The following NFIB variants were observed in gnomAD, a reference collection of about 807,000 sequenced individuals.
NFIB encodes the protein nuclear factor I B.
Under a neutral mutation model 61.5 loss-of-function variants are expected in NFIB, and 11 were observed. The ratio of observed to expected loss-of-function variants is 0.18; its 90% confidence interval spans 0.11 to 0.30. The LOEUF (loss-of-function observed/expected upper bound fraction) is 0.30, where lower values mean the gene tolerates loss of function less well. Among genes scored for constraint, NFIB ranks in the 10% least tolerant of loss-of-function variants. NFIB has a pLI of 1.00. For synonymous variants in NFIB, 260 were observed against 216.5 expected, an observed-to-expected ratio of 1.20 and a Z score of -1.76; for missense variants, 471 against 608.9, an observed-to-expected ratio of 0.77 and a Z score of 2.38.
At chr9:14,262,047 G>A (rs150613763) in intron 2 of NFIB, among the ~76,000 whole-genome samples, 14 of 152,192 alleles carry the variant, frequency 9.2e-5, no homozygotes, top group Admixed American at 6.5e-4. Flanking sequence ...TTGGTGTATC[G>A]GTTTCTGAGC....
the NFIB span, among the ~76,000 whole-genome samples, chr9:14,456,702 T>C: frequency 4.9e-4 from 74 of 152,308 alleles, no homozygotes; most frequent in African/African-American, 1.7e-3. Flanking sequence ...CAGAGTTTGA[T>C]AGCACATTAT....
At chr9:14,229,253 G>A (rs2052819835) in intron 2 of NFIB, among the ~76,000 whole-genome samples, 1 of 152,154 alleles carries the variant, frequency 6.6e-6, no homozygotes, top group African/African-American at 2.4e-5. Flanking sequence ...CATATTAGGT[G>A]ATCAGGTTGT....
At chr9:14,340,698 T>C (rs2060939407) in intron 1 of NFIB, among the ~76,000 whole-genome samples, 2 of 152,242 alleles carry the variant, frequency 1.3e-5, no homozygotes, top group Admixed American at 6.5e-5. Context: ...GTGAATTACA[T>C]TGCCAGCTCA....
At chr9:14,228,151 T>C (rs922914866) in intron 2 of NFIB, among the ~76,000 whole-genome samples, 2 of 151,804 alleles carry the variant, frequency 1.3e-5, no homozygotes, top group African/African-American at 2.4e-5. Context: ...AACAGAATCA[T>C]ATGCATCAAA....
At chr9:14,175,507 G>A (rs1258030367) in intron 3 of NFIB, among the ~76,000 whole-genome samples, 1 of 152,030 alleles carries the variant, frequency 6.6e-6, no homozygotes, top group African/African-American at 2.4e-5. Context: ...TGCAAGATAA[G>A]CACATAGCTA....
chr9:14,459,789 A>G, the NFIB span, among the ~76,000 whole-genome samples: 5 of 151,702 alleles, frequency 3.3e-5, no homozygotes, highest in South Asian at 1.0e-3. Context: ...ACTGGCCATC[A>G]GAGAAATGCA....
intron 2 of NFIB, among the ~76,000 whole-genome samples, chr9:14,292,699 G>C (rs1008407884): frequency 2.6e-5 from 4 of 152,168 alleles, no homozygotes; most frequent in Non-Finnish European, 5.9e-5. Flanking sequence ...ACTTCAGCAA[G>C]CTGCTTCAAT....
intron 6 of NFIB, among the ~76,000 whole-genome samples, chr9:14,134,624 G>A (rs190633230): frequency 5.9e-5 from 9 of 152,240 alleles, no homozygotes; most frequent in African/African-American, 1.7e-4. Flanking sequence ...GGATGGGGTG[G>A]CTCATGCCTG....
intron 2 of NFIB, among the ~76,000 whole-genome samples, chr9:14,255,961 C>G (rs551253225): frequency 6.6e-6 from 1 of 152,340 alleles, no homozygotes; most frequent in South Asian, 2.1e-4. Flanking sequence ...ACACTGTACT[C>G]AAGGCACCTA....
At chr9:14,476,078 C>A in the NFIB span, among the ~76,000 whole-genome samples, 1 of 152,098 alleles carries the variant, frequency 6.6e-6, no homozygotes, top group Non-Finnish European at 1.5e-5. Flanking sequence ...CAATAGGAGG[C>A]AAATTTGAAA....
Position 14,371,487 on chromosome 9 carries a change from G to A in NFIB, c.108+27037C>T, listed in dbSNP as rs373760099. The stretch of plus-strand genomic sequence containing the variant: ...TCTGGTTCTGCCACTAGTTACTTGG[G>A]TGATCTCTGGGCAAGTCACTTAGAC... On this transcript the variant is annotated intron_variant, in intron 1 of 8. Coordinates refer to the NFIB transcript ENST00000380934. Among the ~76,000 whole-genome samples the A allele has an allele frequency of 9.2e-5, 14 of 152,272 alleles. 1 individual carries two copies. The East Asian group carries it at 1.4e-3, about 15-fold the overall frequency.
chr9:14,216,782 C>T lies in NFIB; in HGVS notation c.563-37002G>A, dbSNP rs565975056. ...GGCTATGCTGACTTTGCCAAAATTGCTTTCAGCCAAATTTTCTAAAAGAAA... is the reference window on the plus strand; with the variant it reads ...GGCTATGCTGACTTTGCCAAAATTGTTTTCAGCCAAATTTTCTAAAAGAAA... On this transcript the variant is annotated intron_variant, in intron 2 of 10. Coordinates refer to ENST00000380953, the MANE Select transcript of NFIB (RefSeq NM_001190737.2). Among the ~76,000 whole-genome samples, 4 of 152,278 alleles carry T rather than the reference C, an allele frequency of 2.6e-5. No homozygotes were observed. The East Asian group carries it at 7.7e-4, about 29-fold the overall frequency.
chr9:14,251,302 A>G (rs1173296908), intron 2 of NFIB, among the ~76,000 whole-genome samples: 2 of 152,214 alleles, frequency 1.3e-5, no homozygotes, highest in Non-Finnish European at 2.9e-5. Flanking sequence ...TATTTACAGT[A>G]GCTAAAGAGT....
the NFIB span, among the ~76,000 whole-genome samples, chr9:14,450,850 G>A: frequency 6.6e-6 from 1 of 152,220 alleles, no homozygotes; most frequent in Non-Finnish European, 1.5e-5. Flanking sequence ...ATGTCCAAAT[G>A]TCTTATTTTA....
chr9:14,323,712 C>T (rs986928389), intron 1 of NFIB, among the ~76,000 whole-genome samples: 30 of 152,086 alleles, frequency 2.0e-4, no homozygotes, highest in Non-Finnish European at 2.9e-5. Context: ...ATTTTAATCT[C>T]AATTATGTTT....
intron 3 of NFIB, among the ~76,000 whole-genome samples, chr9:14,156,323 T>G (rs2043401686): frequency 6.6e-6 from 1 of 152,192 alleles, no homozygotes; most frequent in Non-Finnish European, 1.5e-5. Flanking sequence ...CACCGTTCTT[T>G]TGTAAACCCT....
chr9:14,482,421 C>T, the NFIB span, among the ~76,000 whole-genome samples: 2 of 152,256 alleles, frequency 1.3e-5, no homozygotes, highest in East Asian at 3.9e-4. Context: ...ACTGCCAGCT[C>T]CCTTCACCAG....
the NFIB span, among the ~76,000 whole-genome samples, chr9:14,457,621 A>G: frequency 6.6e-6 from 1 of 151,928 alleles, no homozygotes; most frequent in Non-Finnish European, 1.5e-5. Flanking sequence ...GACCCCTAGC[A>G]AGATTAATAA....
chr9:14,480,275 A>G, the NFIB span, among the ~76,000 whole-genome samples: 2 of 152,222 alleles, frequency 1.3e-5, no homozygotes, highest in Middle Eastern at 3.4e-3. Context: ...CAGAATTTGA[A>G]TCTAACACTT....
Sources: allele counts gnomAD v4.1 joint callset (sites outside exome capture counted in the v4.1 genomes callset), GRCh38; gene constraint gnomAD v4.1.1; transcripts MANE v1.5; gene names NCBI Gene and HGNC (gene_info 2026-07-23, HGNC 2026-07-21).